Variants in ZEB1 observed in about 807,000 individuals in gnomAD.
The protein encoded by ZEB1 is zinc finger E-box binding homeobox 1, also known as zinc finger E-box-binding homeobox 1.
Under a neutral mutation model 84.9 loss-of-function variants are expected in ZEB1, and 21 were observed. The observed-to-expected ratio is 0.25, with a 90% confidence interval of 0.18 to 0.36. The LOEUF (loss-of-function observed/expected upper bound fraction) is 0.36, where lower values mean the gene tolerates loss of function less well. Ranked by LOEUF, ZEB1 falls within the 10% of genes least tolerant of loss-of-function variation. The pLI, the probability that ZEB1 is intolerant of heterozygous loss-of-function variation, is 1.00. For synonymous variants in ZEB1, 420 were observed against 471.1 expected (o/e 0.89, Z 1.41); for missense variants, 1,104 against 1,330.2 (o/e 0.83, Z 2.65).
intron 1 of ZEB1, among the ~76,000 whole-genome samples, chr10:31,362,614 G>T (rs146436835): frequency 0.062 from 9,416 of 151,000 alleles, 697 homozygotes; most frequent in African/African-American, 0.18. Context: ...GCGGGGGCCG[G>T]GCAGAGGCGC....
intron 1 of ZEB1, among the ~76,000 whole-genome samples, chr10:31,344,313 A>G (rs1368317887): frequency 5.9e-5 from 9 of 152,254 alleles, no homozygotes. Flanking sequence ...TGTAGTATAT[A>G]TTAAAAGATT....
chr10:31,465,008 A>G (rs1308462377), intron 2 of ZEB1, among the ~76,000 whole-genome samples: 2 of 152,202 alleles, frequency 1.3e-5, no homozygotes, highest in African/African-American at 2.4e-5. Flanking sequence ...AAGACCTACT[A>G]TTTGATAGCA....
chr10:31,398,232 G>A (rs1366704859), intron 1 of ZEB1, among the ~76,000 whole-genome samples: 7 of 152,114 alleles, frequency 4.6e-5, no homozygotes, highest in Admixed American at 3.9e-4. Context: ...AATGAGTTGG[G>A]AAGGGCAGCT....
At chr10:31,444,933 T>C (rs2059565665) in intron 1 of ZEB1, among the ~76,000 whole-genome samples, 1 of 152,154 alleles carries the variant, frequency 6.6e-6, no homozygotes, top group Non-Finnish European at 1.5e-5. Flanking sequence ...TAAAGTAGTT[T>C]TTTTCCAATT....
rs191945803 is a variant in ZEB1, at chr10:31,470,186, A to G, written c.259+8949A>G. ...CTCCTCCAAAGGAACGCAATTCCTCACCAGCAATGGAACAAAGCTGGACGG... is the reference window on the plus strand; with the variant it reads ...CTCCTCCAAAGGAACGCAATTCCTCGCCAGCAATGGAACAAAGCTGGACGG... On this transcript the variant is annotated intron_variant, in intron 2 of 8. Transcript: ENST00000424869. Among the ~76,000 whole-genome samples the G allele has an allele frequency of 4.7e-3, 716 of 152,372 alleles. 11 individuals carry two copies. Among genetic ancestry groups the G allele is most frequent in the African/African-American group, 0.016 (676 of 41,570 alleles).
chr10:31,489,008 T>G (rs2066124631), intron 2 of ZEB1, among the ~76,000 whole-genome samples: 1 of 151,346 alleles, frequency 6.6e-6, no homozygotes, highest in Admixed American at 6.6e-5. Flanking sequence ...TGCCTGGTTC[T>G]TCTATATCCT....
rs538946841 is a variant in ZEB1 at position 31,497,163 on chromosome 10, A to G, written c.322+1325A>G. 2.0e-5 allele frequency among the ~76,000 whole-genome samples: 3 copies of G among 152,278 alleles called. No individual in the cohort carries two copies. In the South Asian group the frequency reaches 6.2e-4, roughly 32 times the overall value. The stretch of plus-strand genomic sequence containing the variant: ...TAGTAATACAGTAGTGTTAATAAAC[A>G]TAAGAGTACACTATTTACTTTTACC... On this transcript the variant is annotated intron_variant, in intron 3 of 8. Coordinates refer to ENST00000424869, the MANE Select transcript of ZEB1 (RefSeq NM_001174096.2).
At chr10:31,523,829 A>G (rs1157929351) in intron 7 of ZEB1, 104 bp from the exon 8 acceptor site, 2 of 1,344,170 alleles carry the variant, frequency 1.5e-6, no homozygotes, top group Non-Finnish European at 2.1e-6. Flanking sequence ...CCTTGAAAGT[A>G]TAAAAGTATA....
chr10:31,518,082 A>G (rs1195417612), intron 6 of ZEB1, among the ~76,000 whole-genome samples: 1 of 152,204 alleles, frequency 6.6e-6, no homozygotes, highest in African/African-American at 2.4e-5. Flanking sequence ...CTAGAAGGAA[A>G]ATAAGCATGT....
At position 31,348,182 on chromosome 10, in the gene ZEB1, C is replaced by CAGA. The variant is rs1186320808; in HGVS notation, c.58+28893_58+28895dup. Among the ~76,000 whole-genome samples the CAGA allele has an allele frequency of 2.8e-4, 42 of 152,182 alleles. 4 individuals carry two copies. Among genetic ancestry groups the CAGA allele is most frequent in the African/African-American group, 1.0e-3 (42 of 41,506 alleles). On this transcript the variant is annotated intron_variant, in intron 1 of 8. Transcript: ENST00000424869. The stretch of plus-strand genomic sequence containing the variant: ...CCAAGTGATTTGTCTGGGAAAAAAG[C>CAGA]AGAAGCAGGGAATGTCAGATGTACC...
At chr10:31,320,119 C>A (rs1046927284) in intron 1 of ZEB1, 6 of 151,906 alleles carry the variant, frequency 3.9e-5, no homozygotes, top group African/African-American at 1.4e-4. Context: ...GCCCAGAGCC[C>A]CGGCCTGGGG....
chr10:31,457,599 G>A (rs992910172), intron 1 of ZEB1, among the ~76,000 whole-genome samples: 9 of 151,974 alleles, frequency 5.9e-5, no homozygotes, highest in African/African-American at 2.2e-4. Flanking sequence ...TACAATCTCT[G>A]TGTTTTGGAT....
At chr10:31,354,964 A>G (rs2041886199) in intron 1 of ZEB1, among the ~76,000 whole-genome samples, 1 of 152,208 alleles carries the variant, frequency 6.6e-6, no homozygotes, top group African/African-American at 2.4e-5. Context: ...GTTCACACAG[A>G]GATACAATAA....
intron 1 of ZEB1, among the ~76,000 whole-genome samples, chr10:31,452,742 T>TGA (rs35403055): frequency 0.11 from 10,175 of 89,912 alleles, 1,079 homozygotes; most frequent in Admixed American, 0.26. Flanking sequence ...TGTGTGTGTG[T>TGA]GAGAGAGAGA....
intron 1 of ZEB1, chr10:31,358,352 C>G (rs977968969): frequency 3.3e-5 from 5 of 152,228 alleles, no homozygotes; most frequent in Middle Eastern, 3.4e-3. Context: ...GAAGTCGAGT[C>G]CCTAGTGAAT....
At position 31,483,609 on chromosome 10, in the gene ZEB1, A is replaced by G. The variant is rs754959536; in HGVS notation, c.260-12167A>G. ...GCCTCCAATAAGGTAGAATCCGGTA[A>G]TTACTACATTACTGGTGATTTTCAG... is the stretch of plus-strand genomic sequence containing the variant. On this transcript the variant is annotated intron_variant, in intron 2 of 8. Transcript: ENST00000424869. 2.6e-4 allele frequency among the ~76,000 whole-genome samples: 39 copies of G among 152,168 alleles called. No homozygotes were observed. In the Middle Eastern group the frequency reaches 0.014, roughly 53 times the overall value.
intron 2 of ZEB1, among the ~76,000 whole-genome samples, chr10:31,471,569 G>C (rs1336034746): frequency 1.4e-5 from 2 of 142,642 alleles, no homozygotes; most frequent in East Asian, 2.1e-4. Flanking sequence ...AGCAAGTCCT[G>C]AGTGACCTAC....
intron 6 of ZEB1, among the ~76,000 whole-genome samples, chr10:31,516,681 TATA>T (rs2139681624): frequency 6.6e-6 from 1 of 151,520 alleles, no homozygotes; most frequent in East Asian, 1.9e-4. Context: ...ACAGAAGTTA[TATA>T]ATCCTCAGAA....
At chr10:31,379,064 G>A (rs985678346) in intron 1 of ZEB1, among the ~76,000 whole-genome samples, 1 of 152,048 alleles carries the variant, frequency 6.6e-6, no homozygotes, top group African/African-American at 2.4e-5. Context: ...GTTTGGCACA[G>A]TGAGGCTGTA....
Sources: gnomAD v4.1 joint callset for allele counts (sites outside exome capture counted in the v4.1 genomes callset) on GRCh38, gnomAD v4.1.1 for gene constraint, MANE v1.5 for transcripts, NCBI Gene and HGNC (gene_info 2026-07-23, HGNC 2026-07-21) for gene names.